Variants in PUS7 observed in about 807,000 individuals in gnomAD.
PUS7 encodes pseudouridine synthase 7, also known as pseudouridylate synthase 7 homolog.
A neutral mutation model predicts 79.8 loss-of-function variants in PUS7; 48 were observed. That is an observed-to-expected ratio of 0.60 (90% CI 0.48 to 0.76). The LOEUF (loss-of-function observed/expected upper bound fraction) is 0.76. Ranked by LOEUF, PUS7 falls within the 30% of genes least tolerant of loss-of-function variation. The pLI is 0.00. For synonymous variants in PUS7, 286 were observed against 272.2 expected, an observed-to-expected ratio of 1.05 and a Z score of -0.50; for missense variants, 729 against 797.6, an observed-to-expected ratio of 0.91 and a Z score of 1.04.
chr7:105,489,227 A>G (rs1263732570), intron 7 of PUS7, among the ~76,000 whole-genome samples: 1 of 151,862 alleles, frequency 6.6e-6, no homozygotes, highest in African/African-American at 2.4e-5. Context: ...AATCAGAAAC[A>G]AAATTCACAG....
At chr7:105,518,133 G>A (rs987540432) in intron 1 of PUS7, among the ~76,000 whole-genome samples, 1 of 151,140 alleles carries the variant, frequency 6.6e-6, no homozygotes, top group Non-Finnish European at 1.5e-5. Flanking sequence ...GGGTGACAGA[G>A]GGAGACTCTG....
chr7:105,508,491 C>T lies in PUS7; in HGVS notation c.22G>A (p.Gly8Ser). The T allele has an allele frequency of 6.2e-7, 1 of 1,613,184 alleles. No individual in the cohort carries two copies. The highest frequency in any genetic ancestry group is 8.5e-7 in the Non-Finnish European group (1 of 1,179,532). Residue 8 changes from glycine to serine, a missense_variant, in exon 2 of 16, where the codon GGT (glycine) becomes AGT (serine). Gly to Ser is a moderately conservative substitution (Grantham distance 56, BLOSUM62 0). Transcript: ENST00000469408. MEMTEMT[G>S]VSLKRGALVV... Reference sequence around the variant, plus strand: ...AGTGCCCCACGTTTCAGCGACACACCAGTCATTTCTGTCATCTCCATCTTT... The same window carrying T: ...AGTGCCCCACGTTTCAGCGACACACTAGTCATTTCTGTCATCTCCATCTTT...
At chr7:105,473,129 A>C (rs573204571) in intron 9 of PUS7, among the ~76,000 whole-genome samples, 2 of 152,222 alleles carry the variant, frequency 1.3e-5, no homozygotes, top group South Asian at 4.1e-4. Flanking sequence ...AACTTCTCAA[A>C]AGATTTATCT....
At chr7:105,508,604 G>C in intron 1 of PUS7, 60 bp from the exon 2 acceptor site, 1 of 1,524,176 alleles carries the variant, frequency 6.6e-7, no homozygotes, top group Non-Finnish European at 8.8e-7. Context: ...CAGGCCGGGC[G>C]CGGTGGCTCA....
At chr7:105,471,165 TTTAACGGG>T (rs1275341490) in intron 10 of PUS7, among the ~76,000 whole-genome samples, 1 of 152,236 alleles carries the variant, frequency 6.6e-6, no homozygotes, top group Non-Finnish European at 1.5e-5. Context: ...TAATGTCAAG[TTTAACGGG>T]TTACTTTCCT....
At chr7:105,499,977 C>A (rs1040483635) in intron 5 of PUS7, among the ~76,000 whole-genome samples, 1 of 152,130 alleles carries the variant, frequency 6.6e-6, no homozygotes, top group Non-Finnish European at 1.5e-5. Context: ...TTAGGCCACT[C>A]TCAGCTTGGG....
chr7:105,494,172 A>ATT (rs1824907514), intron 6 of PUS7, among the ~76,000 whole-genome samples: 2 of 152,330 alleles, frequency 1.3e-5, no homozygotes, highest in Non-Finnish European at 1.5e-5. Flanking sequence ...ACGTCAAAGG[A>ATT]TAAGTATAGG....
intron 7 of PUS7, among the ~76,000 whole-genome samples, chr7:105,483,067 C>T (rs978504180): frequency 6.6e-6 from 1 of 152,084 alleles, no homozygotes; most frequent in East Asian, 1.9e-4. Flanking sequence ...TTAGAAATTC[C>T]TTGCCTTCTT....
chr7:105,457,654 A>G lies in PUS7; in HGVS notation c.*136T>C. ...TTGCAAATTATTTCTTTAAGCTAATAAAAACTTAAAAATACAAATAATTTT... is the reference window on the plus strand; with the variant it reads ...TTGCAAATTATTTCTTTAAGCTAATGAAAACTTAAAAATACAAATAATTTT... On this transcript the variant is annotated 3_prime_UTR_variant, in exon 16 of 16. Coordinates refer to ENST00000469408, the MANE Select transcript of PUS7 (RefSeq NM_019042.5). 4.5e-6 allele frequency: 4 copies of G among 882,740 alleles called. No homozygotes were observed. The highest frequency in any genetic ancestry group is 1.7e-5 in the African/African-American group (1 of 57,466). The allele number at this position is 882,740 out of a possible 1,614,324, so 54.7% of individuals were successfully genotyped here.
At chr7:105,502,696 CA>C (rs2133227553) in intron 4 of PUS7, 132 bp from the exon 5 acceptor site, 1 of 1,020,372 alleles carries the variant, frequency 9.8e-7, no homozygotes, top group African/African-American at 1.6e-5. Flanking sequence ...CATACGATTT[CA>C]AAAATCTTTT....
chr7:105,508,030 C>T (rs1445453695), intron 2 of PUS7, 85 bp downstream of exon 2: 1 of 1,438,316 alleles, frequency 7.0e-7, no homozygotes, highest in Non-Finnish European at 9.2e-7. Flanking sequence ...AGATGGAAAG[C>T]TAAGTGGAAG....
intron 11 of PUS7, among the ~76,000 whole-genome samples, 172 bp from the exon 12 acceptor site, chr7:105,468,635 A>G (rs1823757168): frequency 1.3e-5 from 2 of 151,382 alleles, no homozygotes; most frequent in East Asian, 3.9e-4. Context: ...CTCCCACCTC[A>G]GCCTACAGAC....
intron 5 of PUS7, among the ~76,000 whole-genome samples, chr7:105,496,222 T>TAGAGAGAGAGAGAGAGAGAG (rs1203551594): frequency 2.4e-5 from 2 of 85,032 alleles, no homozygotes; most frequent in African/African-American, 4.7e-5. Flanking sequence ...TATATATATA[T>TAGAGAGAGAGAGAGAGAGAG]ATATAGAGAG....
At chr7:105,492,750 G>A (rs902165223) in intron 6 of PUS7, among the ~76,000 whole-genome samples, 6 of 151,464 alleles carry the variant, frequency 4.0e-5, no homozygotes, top group South Asian at 2.1e-4. Flanking sequence ...CTCGTGATCC[G>A]CCCGCCTCGG....
chr7:105,492,889 C>T (rs568070824), intron 6 of PUS7, among the ~76,000 whole-genome samples: 2 of 152,250 alleles, frequency 1.3e-5, no homozygotes, highest in East Asian at 1.9e-4. Flanking sequence ...GTGATCCACC[C>T]GCCTCGGCCT....
intron 8 of PUS7, 97 bp from the exon 9 acceptor site, chr7:105,481,274 G>C (rs886890101): frequency 1.9e-6 from 2 of 1,048,850 alleles, no homozygotes; most frequent in Non-Finnish European, 1.3e-6. Context: ...CAAGTCTTTC[G>C]TTCACTCTCC....
In PUS7 at chr7:105,482,350, C is replaced by T; in HGVS notation, c.1011G>A (p.Leu337=). Residue 337 remains leucine, a synonymous_variant, in exon 8 of 16, where the codon TTG becomes TTA. Transcript: ENST00000469408. ...NFSYQKNPLK[L]GELQGNHFTV... The stretch of plus-strand genomic sequence containing the variant: ...TGAAGTGGTTTCCTTGAAGCTCTCC[C>T]AATTTCAGTGGGTTTTTTTGATAGC... The T allele has an allele frequency of 3.1e-6, 5 of 1,613,346 alleles. No homozygotes were observed. Among genetic ancestry groups the T allele is most frequent in the Non-Finnish European group, 4.2e-6 (5 of 1,179,530 alleles).
intron 9 of PUS7, among the ~76,000 whole-genome samples, chr7:105,475,143 T>C (rs955316659): frequency 6.6e-6 from 1 of 152,240 alleles, no homozygotes; most frequent in Non-Finnish European, 1.5e-5. Context: ...AGAGATTTGG[T>C]TTACAATAGG....
intron 1 of PUS7, among the ~76,000 whole-genome samples, chr7:105,512,144 CAAAAAAAAAAA>C (rs59884368): frequency 1.3e-4 from 9 of 68,834 alleles, no homozygotes; most frequent in East Asian, 4.7e-4. Context: ...GATTCTGTCT[CAAAAAAAAAAA>C]AAAAAAAAAA....
Sources: allele counts gnomAD v4.1 joint callset (sites outside exome capture counted in the v4.1 genomes callset), GRCh38; gene constraint gnomAD v4.1.1; transcripts MANE v1.5; gene names NCBI Gene and HGNC (gene_info 2026-07-23, HGNC 2026-07-21).